Variants in C2orf92 observed in about 807,000 individuals in gnomAD.
The protein encoded by C2orf92 is chromosome 2 open reading frame 92.
intron 6 of C2orf92, among the ~76,000 whole-genome samples, chr2:97,699,917 A>G (rs988963562): frequency 1.3e-5 from 2 of 152,258 alleles, no homozygotes. Flanking sequence ...AGCTGAAGGT[A>G]GGAGGCTGGA....
upstream of C2orf92, among the ~76,000 whole-genome samples, chr2:97,665,093 C>G (rs890616634): frequency 2.0e-5 from 3 of 152,168 alleles, no homozygotes; most frequent in African/African-American, 7.2e-5. Flanking sequence ...CTTTGGTAAC[C>G]TGCCCAAGAT....
intron 3 of C2orf92, among the ~76,000 whole-genome samples, chr2:97,684,390 C>T (rs1208870139): frequency 6.6e-6 from 1 of 152,164 alleles, no homozygotes; most frequent in Non-Finnish European, 1.5e-5. Flanking sequence ...ATGACAGTCT[C>T]TTCGACAAAT....
At chr2:97,693,110 T>C (rs1175949456) in intron 5 of C2orf92, among the ~76,000 whole-genome samples, 1 of 152,252 alleles carries the variant, frequency 6.6e-6, no homozygotes, top group African/African-American at 2.4e-5. Flanking sequence ...TTAGTTCATG[T>C]AGTATAATGT....
At chr2:97,671,913 G>A (rs1382123161) in intron 1 of C2orf92, 2 of 158,884 alleles carry the variant, frequency 1.3e-5, no homozygotes, top group African/African-American at 2.4e-5. Flanking sequence ...CCCCACATCA[G>A]ATTTTGGGGT....
chr2:97,699,171 T>C, intron 6 of C2orf92, 35 bp downstream of exon 6: 1 of 398,518 alleles, frequency 2.5e-6, no homozygotes, highest in Non-Finnish European at 4.4e-6. Flanking sequence ...CTAAGTATGA[T>C]GCTTAAATAC....
chr2:97,700,714 G>C, intron 6 of C2orf92, among the ~76,000 whole-genome samples: 1 of 144,546 alleles, frequency 6.9e-6, no homozygotes. Context: ...CAGTGGCTAA[G>C]ATGCCAAGGT....
At chr2:97,682,934 T>C (rs1295213462) in intron 3 of C2orf92, among the ~76,000 whole-genome samples, 4 of 152,138 alleles carry the variant, frequency 2.6e-5, no homozygotes, top group Non-Finnish European at 5.9e-5. Context: ...CTCTCACCAA[T>C]TCTATTCAAT....
At chr2:97,702,629 C>T (rs939283090) in intron 7 of C2orf92, 40 bp from the exon 8 acceptor site, 3 of 398,714 alleles carry the variant, frequency 7.5e-6, no homozygotes, top group African/African-American at 2.1e-5. Flanking sequence ...GACTCCTGTG[C>T]GCTGAGCTGA....
At chr2:97,683,562 A>C (rs1675855018) in intron 3 of C2orf92, among the ~76,000 whole-genome samples, 1 of 152,008 alleles carries the variant, frequency 6.6e-6, no homozygotes, top group Non-Finnish European at 1.5e-5. Flanking sequence ...AAAGATGTCA[A>C]AATTGCCCAA....
intron 6 of C2orf92, 29 bp from the exon 7 acceptor site, chr2:97,701,125 T>G (rs914686675): frequency 2.5e-6 from 1 of 398,628 alleles, no homozygotes; most frequent in African/African-American, 2.1e-5. Flanking sequence ...GGTATCTCTG[T>G]TCACTCTGCG....
At chr2:97,669,576 G>T, upstream of C2orf92, 1 of 383,974 alleles carries the variant, frequency 2.6e-6, no homozygotes, top group Non-Finnish European at 4.6e-6. Context: ...AGTGAGCAGA[G>T]AGGCAGTCAC....
Position 97,703,014 on chromosome 2 carries a change from C to T in C2orf92, c.*213C>T, listed in dbSNP as rs779004971. ...CACCGATGGCTGGCGTCGGTGAACC[C>T]GACAGACTATGGATTTATCATTTAA... On this transcript the variant is annotated 3_prime_UTR_variant, in exon 8 of 8. Coordinates refer to ENST00000627399, the MANE Select transcript of C2orf92 (RefSeq NM_001351368.2). The T allele has an allele frequency of 3.2e-5, 12 of 380,826 alleles. No homozygotes were observed. The highest frequency in any genetic ancestry group is 4.6e-5 in the Non-Finnish European group (10 of 215,380). The allele number at this position is 380,826 out of a possible 1,614,324, so 23.6% of individuals were successfully genotyped here. A position where few individuals can be genotyped will look rare whatever the true frequency, so the allele number is the denominator to read the frequency against.
At chr2:97,689,846 A>G (rs941992411) in intron 4 of C2orf92, among the ~76,000 whole-genome samples, 2 of 152,122 alleles carry the variant, frequency 1.3e-5, no homozygotes, top group African/African-American at 4.8e-5. Context: ...AATGGAAAAC[A>G]AGCCAGGCGC....
intron 6 of C2orf92, among the ~76,000 whole-genome samples, chr2:97,700,608 C>G (rs1020876348): frequency 6.6e-6 from 1 of 152,182 alleles, no homozygotes; most frequent in East Asian, 1.9e-4. Context: ...ATCTCCACCC[C>G]CCAAAATCAT....
intron 5 of C2orf92, among the ~76,000 whole-genome samples, chr2:97,691,620 C>T (rs181546070): frequency 6.6e-6 from 1 of 152,200 alleles, no homozygotes; most frequent in Non-Finnish European, 1.5e-5. Flanking sequence ...AATATGTGGT[C>T]TTTCCTGGGT....
chr2:97,678,300 T>C (rs1675649309), intron 3 of C2orf92, among the ~76,000 whole-genome samples: 1 of 149,818 alleles, frequency 6.7e-6, no homozygotes. Flanking sequence ...AGAAAATGAA[T>C]TGAACATGTG....
chr2:97,666,529 CAA>C (rs34223345), upstream of C2orf92, among the ~76,000 whole-genome samples: 4 of 70,402 alleles, frequency 5.7e-5, no homozygotes, highest in East Asian at 5.0e-4. Context: ...GACTCCGTCT[CAA>C]AAAAAAAAAA....
chr2:97,690,825 G>C (rs1038111233), intron 5 of C2orf92, among the ~76,000 whole-genome samples: 1 of 150,148 alleles, frequency 6.7e-6, no homozygotes, highest in South Asian at 2.1e-4. Context: ...TGTTGCCCAG[G>C]CTGGAGTACA....
chr2:97,681,953 GA>G (rs1675791273), intron 3 of C2orf92, among the ~76,000 whole-genome samples: 1 of 152,016 alleles, frequency 6.6e-6, no homozygotes, highest in Non-Finnish European at 1.5e-5. Context: ...CTAGGAGAAA[GA>G]AGGAAATAGT....
Sources: allele counts gnomAD v4.1 joint callset (sites outside exome capture counted in the v4.1 genomes callset), GRCh38; gene constraint gnomAD v4.1.1; transcripts MANE v1.5; gene names NCBI Gene and HGNC (gene_info 2026-07-23, HGNC 2026-07-21).